The following UEVLD variants were observed in gnomAD, a reference collection of about 807,000 sequenced individuals.
UEVLD encodes the protein ubiquitin-conjugating enzyme E2 variant 3.
A neutral mutation model predicts 58.6 loss-of-function variants in UEVLD; 47 were observed. The ratio of observed to expected loss-of-function variants is 0.80; its 90% confidence interval spans 0.63 to 1.02. The LOEUF (loss-of-function observed/expected upper bound fraction) is 1.02, where lower values mean the gene tolerates loss of function less well. Among genes scored for constraint, UEVLD ranks in the 50% least tolerant of loss-of-function variants. The pLI, the probability that UEVLD is intolerant of heterozygous loss-of-function variation, is 0.00. For missense variants in UEVLD, 510 were observed against 550.6 expected, an observed-to-expected ratio of 0.93 and a Z score of 0.74; for synonymous variants, 197 against 195.3, an observed-to-expected ratio of 1.01 and a Z score of -0.07.
Position 18,588,699 on chromosome 11 carries a change from A to G in UEVLD, c.-45T>C, listed in dbSNP as rs1365648887. On this transcript the variant is annotated 5_prime_UTR_variant, in exon 1 of 12. Transcript: ENST00000396197. Reference sequence around the variant, plus strand: ...TAGGTCCCAGGACTCCAGCCCCCGGACCTTCTTCCGGACTTGCTGCAGGAC... The same window carrying G: ...TAGGTCCCAGGACTCCAGCCCCCGGGCCTTCTTCCGGACTTGCTGCAGGAC... The G allele has an allele frequency of 6.3e-7, 1 of 1,596,132 alleles. No homozygotes were observed. The highest frequency in any genetic ancestry group is 8.5e-7 in the Non-Finnish European group (1 of 1,176,104).
intron 5 of UEVLD, among the ~76,000 whole-genome samples, chr11:18,566,026 G>C (rs1852280367): frequency 6.7e-6 from 1 of 150,084 alleles, no homozygotes; most frequent in Admixed American, 6.7e-5. Context: ...AGCCACCCAA[G>C]TAGCTGGGAT....
chr11:18,543,262 C>T (rs1009554291), intron 9 of UEVLD, among the ~76,000 whole-genome samples: 3 of 152,162 alleles, frequency 2.0e-5, no homozygotes, highest in Non-Finnish European at 4.4e-5. Flanking sequence ...ACAGTAAGTA[C>T]TTCAAATGAT....
intron 7 of UEVLD, among the ~76,000 whole-genome samples, chr11:18,549,779 C>G (rs566618272): frequency 1.8e-4 from 28 of 151,916 alleles, no homozygotes; most frequent in Non-Finnish European, 4.0e-4. Flanking sequence ...TCCCATCAAG[C>G]TCTCGGGCCT....
chr11:18,566,047 T>C (rs10219166), intron 5 of UEVLD, among the ~76,000 whole-genome samples: 28,124 of 151,198 alleles, frequency 0.19, 2,985 homozygotes, highest in East Asian at 0.4. Flanking sequence ...TACAGGCACC[T>C]GCCACCACGC....
rs1852158626 is a variant in UEVLD at position 18,563,869 on chromosome 11, G to A, written c.612+1023C>T. 2.1e-5 allele frequency: 4 copies of A among 188,474 alleles called. No homozygotes were observed. The South Asian group carries it at 3.2e-4, about 15-fold the overall frequency. 11.7% of individuals were successfully genotyped at this position (188,474 alleles called of 1,614,324 possible). ...AAAATACAAAAATTAGCTGGGCGTC[G>A]TGGCGCATGCCTGTAGTCCCAGCTA... On this transcript the variant is annotated intron_variant, in intron 6 of 11. Transcript: ENST00000396197.
At chr11:18,565,660 T>A (rs900940968) in intron 5 of UEVLD, among the ~76,000 whole-genome samples, 2 of 151,794 alleles carry the variant, frequency 1.3e-5, no homozygotes, top group African/African-American at 4.8e-5. Flanking sequence ...AAAACCTCAT[T>A]CTTATCAAAA....
At chr11:18,545,256 A>G (rs1851259687) in intron 8 of UEVLD, among the ~76,000 whole-genome samples, 1 of 151,658 alleles carries the variant, frequency 6.6e-6, no homozygotes, top group African/African-American at 2.4e-5. Flanking sequence ...TATTTTTGGT[A>G]GAGACGGGGT....
At chr11:18,565,980 C>T (rs1473035043) in intron 5 of UEVLD, among the ~76,000 whole-genome samples, 8 of 147,516 alleles carry the variant, frequency 5.4e-5, no homozygotes, top group Non-Finnish European at 1.2e-4. Flanking sequence ...CTCACTGCAA[C>T]CTCTGCCTCC....
At chr11:18,568,875 A>G (rs958190998) in intron 4 of UEVLD, among the ~76,000 whole-genome samples, 3 of 151,836 alleles carry the variant, frequency 2.0e-5, no homozygotes, top group Non-Finnish European at 4.4e-5. Context: ...CTCCAGCCCT[A>G]CTAGCTTTCT....
intron 7 of UEVLD, among the ~76,000 whole-genome samples, chr11:18,556,800 A>C (rs1221931023): frequency 1.3e-5 from 2 of 152,176 alleles, no homozygotes; most frequent in Non-Finnish European, 2.9e-5. Flanking sequence ...TTTAATTAAA[A>C]AATGAGATAG....
Position 18,532,082 on chromosome 11 carries a change from G to T in UEVLD, c.*238C>A. On this transcript the variant is annotated 3_prime_UTR_variant, in exon 12 of 12. Coordinates refer to ENST00000396197, the MANE Select transcript of UEVLD (RefSeq NM_001040697.4). ...CTGCAGATGAATGTTTACCCCTGCT[G>T]TAGATTTAAAGAACAGCATAGATAT... 1 of 310,310 alleles carries T rather than the reference G, an allele frequency of 3.2e-6. No homozygotes were observed. The allele number at this position is 310,310 out of a possible 1,614,324, so 19.2% of individuals were successfully genotyped here.
intron 1 of UEVLD, among the ~76,000 whole-genome samples, chr11:18,586,248 T>A (rs1422273924): frequency 6.6e-6 from 1 of 152,164 alleles, no homozygotes; most frequent in Non-Finnish European, 1.5e-5. Flanking sequence ...GGGGTCTCCC[T>A]CTGTTGCCCA....
intron 2 of UEVLD, among the ~76,000 whole-genome samples, chr11:18,578,113 C>T (rs1482246948): frequency 6.6e-6 from 1 of 152,080 alleles, no homozygotes. Context: ...ACTCTGATCA[C>T]TTGGCTAGCC....
chr11:18,570,209 C>A lies in UEVLD; in HGVS notation c.357+5G>T. 1 of 1,570,050 alleles carries A rather than the reference C, an allele frequency of 6.4e-7. No homozygotes were observed. Among genetic ancestry groups the A allele is most frequent in the Non-Finnish European group, 8.6e-7 (1 of 1,164,592 alleles). ...CTTTCTGTAGAAAATCCAAATTGAT[C>A]TTACATGGCTCCAGTTTTGGAGATA... On this transcript the variant is annotated splice_donor_5th_base_variant and intron_variant, in intron 4 of 11. Transcript: ENST00000396197.
chr11:18,586,430 C>T (rs1050143837), intron 1 of UEVLD, among the ~76,000 whole-genome samples: 1 of 151,824 alleles, frequency 6.6e-6, no homozygotes, highest in Non-Finnish European at 1.5e-5. Context: ...TTGGACAGGC[C>T]GATCTCGAAC....
At chr11:18,541,431 G>C (rs1758673679) in intron 9 of UEVLD, among the ~76,000 whole-genome samples, 2 of 152,216 alleles carry the variant, frequency 1.3e-5, no homozygotes, top group African/African-American at 4.8e-5. Flanking sequence ...AACTGTGATT[G>C]TCCCTAGGAA....
chr11:18,558,445 T>G, intron 6 of UEVLD, 115 bp from the exon 7 acceptor site: 2 of 528,750 alleles, frequency 3.8e-6, no homozygotes, highest in East Asian at 6.1e-5. Flanking sequence ...TCTTTTAGTG[T>G]TAAGAAGAGT....
At chr11:18,588,499 G>T in intron 1 of UEVLD, 114 bp downstream of exon 1, 2 of 1,299,950 alleles carry the variant, frequency 1.5e-6, no homozygotes, top group Non-Finnish European at 2.1e-6. Flanking sequence ...AGCCGCCCCG[G>T]CTCCAAGCCC....
rs111939590 is a variant in UEVLD, at chr11:18,566,151, A to G, written c.493+196T>C. 7.3e-3 allele frequency among the ~76,000 whole-genome samples: 1,116 copies of G among 152,148 alleles called. 13 individuals are homozygous for G. The highest frequency in any genetic ancestry group is 0.026 in the African/African-American group (1,066 of 41,534). ...TGACCTCAGGTGATCTGCCTGCCTC[A>G]GCCTCCCAAAGTCCTGGGATTACAG... On this transcript the variant is annotated intron_variant, in intron 5 of 11. Coordinates refer to ENST00000396197, the MANE Select transcript of UEVLD (RefSeq NM_001040697.4).
Sources: allele counts gnomAD v4.1 joint callset (sites outside exome capture counted in the v4.1 genomes callset), GRCh38; gene constraint gnomAD v4.1.1; transcripts MANE v1.5; gene names NCBI Gene and HGNC (gene_info 2026-07-23, HGNC 2026-07-21).